ACSM2B: variants seen among roughly 807,000 people sequenced by gnomAD.
ACSM2B encodes the protein acyl-CoA synthetase medium chain family member 2B.
Under a neutral mutation model 78.6 loss-of-function variants are expected in ACSM2B, and 58 were observed. The observed-to-expected ratio is 0.74, with a 90% CI of 0.60 to 0.92. ACSM2B has a LOEUF of 0.92. Ranked by LOEUF, ACSM2B falls within the 40% of genes least tolerant of loss-of-function variation. The pLI, the probability that ACSM2B is intolerant of heterozygous loss-of-function variation, is 0.00. For missense variants in ACSM2B, 688 were observed against 711.2 expected, an observed-to-expected ratio of 0.97 and a Z score of 0.37; for synonymous variants, 257 against 256.8, an observed-to-expected ratio of 1.00 and a Z score of -0.01.
chr16:20,552,676 G>T (rs1032991061), intron 5 of ACSM2B, among the ~76,000 whole-genome samples: 1 of 152,166 alleles, frequency 6.6e-6, no homozygotes, highest in African/African-American at 2.4e-5. Flanking sequence ...GCCTTGCCAA[G>T]TTCAAGTTTG....
intron 13 of ACSM2B, among the ~76,000 whole-genome samples, chr16:20,538,465 G>A (rs909069027): frequency 6.6e-6 from 1 of 152,172 alleles, no homozygotes; most frequent in Non-Finnish European, 1.5e-5. Flanking sequence ...GCCCCAAAGG[G>A]TAGATAGAGA....
At chr16:20,553,388 T>A (rs2015375881) in intron 5 of ACSM2B, among the ~76,000 whole-genome samples, 1 of 152,216 alleles carries the variant, frequency 6.6e-6, no homozygotes, top group Non-Finnish European at 1.5e-5. Flanking sequence ...ATCTTCCACT[T>A]CAGTCAATTT....
At chr16:20,545,321 G>C in intron 9 of ACSM2B, 63 bp from the exon 10 acceptor site, 1 of 1,562,286 alleles carries the variant, frequency 6.4e-7, no homozygotes. Flanking sequence ...AATGGCAGCA[G>C]GAGATTGCTG....
At chr16:20,565,064 T>C (rs1255507377) in intron 1 of ACSM2B, among the ~76,000 whole-genome samples, 2 of 152,156 alleles carry the variant, frequency 1.3e-5, no homozygotes, top group Non-Finnish European at 2.9e-5. Context: ...GACCCAGTCC[T>C]AGATCCTACA....
At chr16:20,566,115 T>TA (rs71275927) in intron 1 of ACSM2B, among the ~76,000 whole-genome samples, 53,502 of 144,868 alleles carry the variant, frequency 0.37, 12,479 homozygotes, top group East Asian at 0.86. Context: ...CGAAAAAATA[T>TA]AAAAATTCTA....
At chr16:20,538,200 G>C (rs968815889) in intron 13 of ACSM2B, among the ~76,000 whole-genome samples, 7 of 152,190 alleles carry the variant, frequency 4.6e-5, no homozygotes, top group Non-Finnish European at 1.0e-4. Context: ...TCTTCTTAGT[G>C]GCTGATATAA....
At chr16:20,567,089 T>C (rs1024668888) in intron 1 of ACSM2B, among the ~76,000 whole-genome samples, 20 of 135,402 alleles carry the variant, frequency 1.5e-4, no homozygotes, top group African/African-American at 4.9e-4. Flanking sequence ...GATCTAGATA[T>C]ATATAATATC....
In ACSM2B at chr16:20,552,222, T is replaced by G. The variant is rs35623745; in HGVS notation, c.816A>C (p.Ser272=). The G allele has an allele frequency of 0.011, 18,019 of 1,613,814 alleles. 162 individuals carry two copies. Among genetic ancestry groups the G allele is most frequent in the Non-Finnish European group, 0.013 (15,304 of 1,179,800 alleles). The change falls in exon 6 of 14, where the codon TCA becomes TCC. Residue 272 remains serine, a synonymous_variant. Coordinates refer to ENST00000329697, the MANE Select transcript of ACSM2B (RefSeq NM_001105069.2). ...DTGWILNILG[S]LLESWTLGAC... is the part of the protein sequence containing the mutation. ...CTCCTAATGTCCAAGATTCCAAAAG[T>G]GAGCCCAAGATGTTCAGTATCCAAC... is the stretch of plus-strand genomic sequence containing the variant.
At position 20,567,883 on chromosome 16, in the gene ACSM2B, A is replaced by G. The variant is rs551542032; in HGVS notation, c.-8-3030T>C. On this transcript the variant is annotated intron_variant, in intron 1 of 13. Coordinates refer to ENST00000329697, the MANE Select transcript of ACSM2B (RefSeq NM_001105069.2). ...ATTATATATAGATATATACTATACT[A>G]TTATATAGTGTGGCTATATATAGTA... Among the ~76,000 whole-genome samples, 50 of 143,034 alleles carry G rather than the reference A, an allele frequency of 3.5e-4. No individual in the cohort carries two copies. In the South Asian group the frequency reaches 9.9e-3, roughly 28 times the overall value. The allele number at this position is 143,034 out of a possible 152,430, so 93.8% of individuals were successfully genotyped here. A position where few individuals can be genotyped will look rare whatever the true frequency, so the allele number is the denominator to read the frequency against.
intron 3 of ACSM2B, among the ~76,000 whole-genome samples, chr16:20,558,923 A>G (rs2015556855): frequency 6.6e-6 from 1 of 152,250 alleles, no homozygotes; most frequent in Admixed American, 6.5e-5. Context: ...TATAGATTTT[A>G]ATAGAATTCT....
At chr16:20,563,072 G>A (rs2015714507) in intron 2 of ACSM2B, among the ~76,000 whole-genome samples, 1 of 152,066 alleles carries the variant, frequency 6.6e-6, no homozygotes, top group Non-Finnish European at 1.5e-5. Context: ...CCTAGTCTCT[G>A]AGCTTTCAAG....
chr16:20,572,489 G>A (rs1241701508), intron 1 of ACSM2B, among the ~76,000 whole-genome samples: 1 of 133,082 alleles, frequency 7.5e-6, no homozygotes, highest in African/African-American at 3.6e-5. Context: ...TGGTGCTTTT[G>A]TCTCACAGCT....
At chr16:20,562,995 T>C (rs1384737948) in intron 2 of ACSM2B, among the ~76,000 whole-genome samples, 1 of 152,148 alleles carries the variant, frequency 6.6e-6, no homozygotes, top group Non-Finnish European at 1.5e-5. Context: ...ATCTCTATAA[T>C]TCCATTCCCA....
intron 1 of ACSM2B, among the ~76,000 whole-genome samples, chr16:20,568,583 C>T (rs1371226642): frequency 2.0e-5 from 3 of 151,318 alleles, no homozygotes; most frequent in Middle Eastern, 3.2e-3. Flanking sequence ...TTGGTAGATA[C>T]CCAGTAGTGG....
Position 20,566,616 on chromosome 16 carries a change from G to GTA in ACSM2B, c.-8-1765_-8-1764dup, listed in dbSNP as rs1319641302. On this transcript the variant is annotated intron_variant, in intron 1 of 13. Transcript: ENST00000329697. ...TATAATATGTATATATCTACATATAGTATATATACTATATATAGTATATAT... is the reference window on the plus strand; with the variant it reads ...TATAATATGTATATATCTACATATAGTATATATATACTATATATAGTATATAT... 1.7e-3 allele frequency among the ~76,000 whole-genome samples: 68 copies of GTA among 40,822 alleles called. 1 individual carries two copies. The highest frequency in any genetic ancestry group is 6.9e-3 in the African/African-American group (68 of 9,864). 26.8% of individuals were successfully genotyped at this position (40,822 alleles called of 152,430 possible).
At chr16:20,541,105 T>G in intron 12 of ACSM2B, 1 of 172,964 alleles carries the variant, frequency 5.8e-6, no homozygotes, top group East Asian at 1.5e-4. Flanking sequence ...ATGTGTTAAC[T>G]TCTCCAAACT....
At chr16:20,561,385 G>A (rs117602045) in intron 2 of ACSM2B, among the ~76,000 whole-genome samples, 24,572 of 146,540 alleles carry the variant, frequency 0.17, 3,106 homozygotes, top group East Asian at 0.68. Context: ...AAGAAGGTGA[G>A]GGGGGAGCAG....
chr16:20,566,268 T>G (rs1238787948), intron 1 of ACSM2B, among the ~76,000 whole-genome samples: 3 of 131,758 alleles, frequency 2.3e-5, no homozygotes, highest in Admixed American at 8.2e-5. Flanking sequence ...TATATATATA[T>G]ATATATATAT....
rs1381481193 is a variant in ACSM2B at position 20,543,131 on chromosome 16, T to C, written c.1409+4A>G. On this transcript the variant is annotated splice_donor_region_variant and intron_variant, in intron 11 of 13. Transcript: ENST00000329697. ...TCCCTTCCCAACCCAGAAACCAAGC[T>C]CACCCGCTGGAGTTAATGATATCAT... The C allele has an allele frequency of 1.3e-5, 21 of 1,613,600 alleles. No homozygotes were observed. The highest frequency in any genetic ancestry group is 1.6e-5 in the Non-Finnish European group (19 of 1,179,860).
Sources: gnomAD v4.1 joint callset for allele counts (sites outside exome capture counted in the v4.1 genomes callset) on GRCh38, gnomAD v4.1.1 for gene constraint, MANE v1.5 for transcripts, NCBI Gene and HGNC (gene_info 2026-07-23, HGNC 2026-07-21) for gene names.